Variants in SPTB observed in about 807,000 individuals in gnomAD.
SPTB encodes the protein spectrin beta, erythrocytic, also known as spectrin beta chain, erythrocytic.
A neutral mutation model predicts 256.2 loss-of-function variants in SPTB; 45 were observed. The ratio of observed to expected loss-of-function variants is 0.18; its 90% CI spans 0.14 to 0.23. The LOEUF (loss-of-function observed/expected upper bound fraction) is 0.23. Among genes scored for constraint, SPTB ranks in the 10% least tolerant of loss-of-function variants. SPTB has a pLI of 1.00. For missense variants in SPTB, 2,715 were observed against 3,040.4 expected (o/e 0.89, Z 2.52); for synonymous variants, 1,231 against 1,243.1 (o/e 0.99, Z 0.21).
At chr14:64,858,013 G>T (rs1226427773) in intron 1 of SPTB, among the ~76,000 whole-genome samples, 8 of 152,166 alleles carry the variant, frequency 5.3e-5, no homozygotes, top group Admixed American at 5.2e-4. Flanking sequence ...TGCAAGGTGG[G>T]TATTATTTAT....
intron 1 of SPTB, among the ~76,000 whole-genome samples, chr14:64,856,359 G>T (rs775843089): frequency 6.6e-6 from 1 of 152,186 alleles, no homozygotes; most frequent in Non-Finnish European, 1.5e-5. Context: ...TCTGTAGGGA[G>T]AGAGGAGCTC....
intron 2 of SPTB, among the ~76,000 whole-genome samples, chr14:64,818,258 C>G (rs1238059521): frequency 2.6e-5 from 4 of 152,226 alleles, no homozygotes; most frequent in African/African-American, 7.2e-5. Flanking sequence ...AAGGCCATCT[C>G]TTTCCCACAG....
chr14:64,771,123 G>T lies in SPTB; in HGVS notation c.5560C>A (p.Gln1854Lys). The T allele has an allele frequency of 6.2e-7, 1 of 1,613,734 alleles. No homozygotes were observed. Among genetic ancestry groups the T allele is most frequent in the Non-Finnish European group, 8.5e-7 (1 of 1,180,026 alleles). The change falls in exon 27 of 36, where the codon CAG becomes AAG. Residue 1854 changes from glutamine (Q) to lysine (K), a missense_variant. Gln to Lys is a moderately conservative substitution (Grantham distance 53). Coordinates refer to ENST00000644917, the MANE Select transcript of SPTB (RefSeq NM_001355436.2). Reference sequence around the variant, plus strand: ...AGACGGGTGGCCACGTCCTGGAACTGCTGCACCTGTGGTCAGGCAAAATCA... The same window carrying T: ...AGACGGGTGGCCACGTCCTGGAACTTCTGCACCTGTGGTCAGGCAAAATCA... ...ELHLLGVQVQ[Q>K]FQDVATRLQT...
intron 15 of SPTB, among the ~76,000 whole-genome samples, chr14:64,791,403 T>C (rs1220670708): frequency 1.3e-5 from 2 of 151,590 alleles, no homozygotes; most frequent in Non-Finnish European, 1.5e-5. Context: ...ACATCTCTAC[T>C]AAAAATACAA....
intron 1 of SPTB, among the ~76,000 whole-genome samples, chr14:64,865,680 A>C (rs1438076641): frequency 6.6e-6 from 1 of 152,168 alleles, no homozygotes; most frequent in Admixed American, 6.5e-5. Context: ...GCCTAGATCC[A>C]TGGAGTGCTC....
chr14:64,795,254 A>G lies in SPTB; in HGVS notation c.1644+83T>C. 2 of 1,512,920 alleles carry G rather than the reference A, an allele frequency of 1.3e-6. No individual in the cohort carries two copies. Among genetic ancestry groups the G allele is most frequent in the South Asian group, 2.3e-5 (2 of 86,624 alleles). The allele number at this position is 1,512,920 out of a possible 1,614,324, so 93.7% of individuals were successfully genotyped here. Reference sequence around the variant, plus strand: ...AGATATGACTGGCTGGGAGGTGTCTAAGGAAGCCTATGCTAACTGCAGGGC... The same window carrying G: ...AGATATGACTGGCTGGGAGGTGTCTGAGGAAGCCTATGCTAACTGCAGGGC... On this transcript the variant is annotated intron_variant, in intron 12 of 35. Transcript: ENST00000644917. The surrounding 1 kb of genome is among the most constrained non-coding windows in gnomAD (Gnocchi z 6.5).
intron 25 of SPTB, 101 bp from the exon 26 acceptor site, chr14:64,773,055 G>T: frequency 6.4e-7 from 1 of 1,564,392 alleles, no homozygotes; most frequent in Non-Finnish European, 8.6e-7. Context: ...TGCAGCTCCG[G>T]GAGCTGCGCT....
chr14:64,772,073 G>T lies in SPTB; in HGVS notation c.5553+507C>A, dbSNP rs541711222. Among the ~76,000 whole-genome samples, 1 of 152,234 alleles carries T rather than the reference G, an allele frequency of 6.6e-6. No individual in the cohort carries two copies. The highest frequency in any genetic ancestry group is 2.4e-5 in the African/African-American group (1 of 41,468). Reference sequence around the variant, plus strand: ...GGCTCTCCAGCTCCCATGTGGAAAGGCTGAAGTGCCCGGTGGCTAAGTATG... The same window carrying T: ...GGCTCTCCAGCTCCCATGTGGAAAGTCTGAAGTGCCCGGTGGCTAAGTATG... On this transcript the variant is annotated intron_variant, in intron 26 of 35. Transcript: ENST00000644917. The surrounding 1 kb of genome is among the most constrained non-coding windows in gnomAD (Gnocchi z 5.4).
At position 64,824,679 on chromosome 14, in the gene SPTB, C is replaced by T. The variant is rs575326073; in HGVS notation, c.-51-1534G>A. On this transcript the variant is annotated intron_variant, in intron 1 of 35. Coordinates refer to ENST00000644917, the MANE Select transcript of SPTB (RefSeq NM_001355436.2). The surrounding 1 kb of genome is among the most constrained non-coding windows in gnomAD (Gnocchi z 5.7). ...CTCCCTCTGTGGGTGTGTGCACCCA[C>T]GGCACACACACAGGCTCATATCTGA... 1.2e-4 allele frequency among the ~76,000 whole-genome samples: 18 copies of T among 152,122 alleles called. No individual in the cohort carries two copies. Among genetic ancestry groups the T allele is most frequent in the Middle Eastern group, 3.4e-3 (1 of 294 alleles).
Position 64,823,014 on chromosome 14 carries a change from G to A in SPTB, c.81C>T (p.Asp27=), listed in dbSNP as rs778900824. The change falls in exon 2 of 36, where the codon GAC becomes GAT. Residue 27 remains aspartate, a synonymous_variant. Coordinates refer to ENST00000644917, the MANE Select transcript of SPTB (RefSeq NM_001355436.2). The surrounding 1 kb of genome is among the most constrained non-coding windows in gnomAD (Gnocchi z 6.5). ...AGCTGTTGTCATTATCCAGCTCGTC[G>A]TCTGGGGCGTCCCAGCGGGCATTGA... is the stretch of plus-strand genomic sequence containing the variant. The part of the protein sequence containing the change: ...SRINARWDAP[D]DELDNDNSSA... 17 of 1,614,010 alleles carry A rather than the reference G, an allele frequency of 1.1e-5. 1 individual carries two copies. In the East Asian group the frequency reaches 1.1e-4, roughly 11 times the overall value.
rs2082480580 is a variant in SPTB at position 64,782,038 on chromosome 14, C to T, written c.4266+252G>A. Among the ~76,000 whole-genome samples, 3 of 152,114 alleles carry T rather than the reference C, an allele frequency of 2.0e-5. No individual in the cohort carries two copies. The South Asian group carries it at 6.2e-4, about 32-fold the overall frequency. Reference sequence around the variant, plus strand: ...AGAAGAACTTATGAACACAAGGAAACAACAGACACTGGGGTGTACTTGATG... The same window carrying T: ...AGAAGAACTTATGAACACAAGGAAATAACAGACACTGGGGTGTACTTGATG... On this transcript the variant is annotated intron_variant, in intron 20 of 35. Coordinates refer to ENST00000644917, the MANE Select transcript of SPTB (RefSeq NM_001355436.2).
intron 3 of SPTB, 51 bp downstream of exon 3, chr14:64,804,888 C>T: frequency 6.2e-7 from 1 of 1,611,724 alleles, no homozygotes; most frequent in Non-Finnish European, 8.5e-7. Flanking sequence ...CATGCCTTTG[C>T]TGAAGAGGGG....
intron 2 of SPTB, among the ~76,000 whole-genome samples, chr14:64,808,490 A>T (rs961736105): frequency 6.6e-6 from 1 of 152,216 alleles, no homozygotes; most frequent in African/African-American, 2.4e-5. Flanking sequence ...TTTCAGGTCA[A>T]ATACACCCAT....
intron 1 of SPTB, among the ~76,000 whole-genome samples, chr14:64,842,123 C>T (rs1199142853): frequency 2.0e-5 from 3 of 152,278 alleles, no homozygotes; most frequent in Non-Finnish European, 4.4e-5. Context: ...TGCCAAGTGC[C>T]TGCCATTTCC....
rs1399808896 is a variant in SPTB, at chr14:64,827,146, G to T, written c.-51-4001C>A. On this transcript the variant is annotated intron_variant, in intron 1 of 35. Coordinates refer to ENST00000644917, the MANE Select transcript of SPTB (RefSeq NM_001355436.2). This position sits in a 1 kb window ranked among gnomAD's most constrained non-coding sequence, Gnocchi z 4.6. The stretch of plus-strand genomic sequence containing the variant: ...CCTGCAGGGTGCTGACGGAGCCCAA[G>T]CTAGGACCCATGTCAGCCCTCGCCG... Among the ~76,000 whole-genome samples the T allele has an allele frequency of 2.0e-5, 3 of 152,168 alleles. No homozygotes were observed. In the East Asian group the frequency reaches 5.8e-4, roughly 29 times the overall value.
At chr14:64,856,393 T>C (rs2083873444) in intron 1 of SPTB, among the ~76,000 whole-genome samples, 2 of 152,168 alleles carry the variant, frequency 1.3e-5, no homozygotes, top group African/African-American at 2.4e-5. Flanking sequence ...TCTTCTTCCA[T>C]GAGACTATCC....
intron 33 of SPTB, among the ~76,000 whole-genome samples, chr14:64,750,993 T>C (rs1258385475): frequency 1.4e-5 from 2 of 145,270 alleles, no homozygotes; most frequent in Non-Finnish European, 3.0e-5. Context: ...ATACATTATA[T>C]ATAATACATT....
chr14:64,786,375 G>C lies in SPTB; in HGVS notation c.3561+29C>G. 1 of 1,613,344 alleles carries C rather than the reference G, an allele frequency of 6.2e-7. No individual in the cohort carries two copies. Among genetic ancestry groups the C allele is most frequent in the Non-Finnish European group, 8.5e-7 (1 of 1,179,980 alleles). On this transcript the variant is annotated intron_variant, in intron 16 of 35. Transcript: ENST00000644917. This position sits in a 1 kb window ranked among gnomAD's most constrained non-coding sequence, Gnocchi z 5.6. ...CAAGAGCTACTGCCCTGAGAGACCC[G>C]CCTGTCCCAGCCCTGAATGCCTCTC...
rs73273601 is a variant in SPTB at position 64,772,856 on chromosome 14, G to A, written c.5277C>T (p.Asp1759=). The A allele has an allele frequency of 1.7e-4, 270 of 1,612,528 alleles. 1 individual carries two copies. In the African/African-American group the frequency reaches 2.9e-3, roughly 17 times the overall value. Residue 1759 remains aspartate, a synonymous_variant, in exon 26 of 36, where the codon GAC becomes GAT. Coordinates refer to ENST00000644917, the MANE Select transcript of SPTB (RefSeq NM_001355436.2). The surrounding 1 kb of genome is among the most constrained non-coding windows in gnomAD (Gnocchi z 5.4). ...TGGTGGCCGCCTCGCTGTGGCCCGC[G>A]TCGATGAGTCGCTCGATGAAGGCAT... ...NVNAFIERLI[D]AGHSEAATIA...
Sources: allele counts gnomAD v4.1 joint callset (sites outside exome capture counted in the v4.1 genomes callset), GRCh38; gene constraint gnomAD v4.1.1; non-coding constraint Gnocchi (gnomAD v3.1); transcripts MANE v1.5; gene names NCBI Gene and HGNC (gene_info 2026-07-23, HGNC 2026-07-21).